The following GRM8 variants were observed in gnomAD, a reference collection of about 807,000 sequenced individuals.
GRM8 encodes the protein glutamate metabotropic receptor 8, also known as metabotropic glutamate receptor 8.
GRM8 carries 47 observed loss-of-function variants against 87.2 expected under a neutral mutation model. The observed-to-expected ratio is 0.54, with a 90% CI of 0.43 to 0.69. The LOEUF is 0.69. GRM8 is among the 30% of genes least tolerant of loss of function. The pLI is 0.00. For synonymous variants in GRM8, 396 were observed against 404.5 expected (o/e 0.98, Z 0.25); for missense variants, 1,019 against 1,139.2 (o/e 0.89, Z 1.52).
intron 7 of GRM8, among the ~76,000 whole-genome samples, chr7:126,730,194 C>A (rs916766310): frequency 1.3e-5 from 2 of 152,092 alleles, no homozygotes; most frequent in African/African-American, 2.4e-5. Flanking sequence ...ACACATAAAC[C>A]ATAAATTGTG....
intron 3 of GRM8, among the ~76,000 whole-genome samples, chr7:127,035,998 G>C (rs903488666): frequency 2.0e-5 from 3 of 152,058 alleles, no homozygotes; most frequent in African/African-American, 7.2e-5. Context: ...CCAACTACTG[G>C]CTTGCTCTAT....
chr7:127,245,676 A>C (rs1281319766), intron 1 of GRM8, among the ~76,000 whole-genome samples: 1 of 152,240 alleles, frequency 6.6e-6, no homozygotes, highest in Non-Finnish European at 1.5e-5. Flanking sequence ...TTGGGGAATG[A>C]ATAGCAGTGA....
rs922071734 is a variant in GRM8 at position 127,016,265 on chromosome 7, C to T, written c.727+90231G>A. Among the ~76,000 whole-genome samples the T allele has an allele frequency of 9.9e-5, 15 of 152,140 alleles. No homozygotes were observed. In the East Asian group the frequency reaches 1.9e-3, roughly 20 times the overall value. ...CCTTTTTGAGGCACTATTCCTCCCA[C>T]GGGAGTTAGACTGTAGCAGAAATCT... On this transcript the variant is annotated intron_variant, in intron 3 of 10. Transcript: ENST00000339582.
In GRM8 at chr7:126,969,823, A is replaced by T. The variant is rs181227557; in HGVS notation, c.728-65140T>A. Among the ~76,000 whole-genome samples the T allele has an allele frequency of 1.8e-3, 269 of 152,318 alleles. 1 individual carries two copies. Among genetic ancestry groups the T allele is most frequent in the African/African-American group, 6.2e-3 (257 of 41,582 alleles). On this transcript the variant is annotated intron_variant, in intron 3 of 10. Coordinates refer to ENST00000339582, the MANE Select transcript of GRM8 (RefSeq NM_000845.3). ...TATCTAGGAAACCTATAACCTTAAA[A>T]AAATGTATTTCCTAAATAATGAGAC...
At chr7:126,578,937 A>G (rs1323829190) in intron 8 of GRM8, among the ~76,000 whole-genome samples, 1 of 152,166 alleles carries the variant, frequency 6.6e-6, no homozygotes, top group Non-Finnish European at 1.5e-5. Context: ...TCATAACCCT[A>G]CAAGGAAATT....
At chr7:127,170,589 C>A (rs532200573) in intron 2 of GRM8, among the ~76,000 whole-genome samples, 2 of 152,094 alleles carry the variant, frequency 1.3e-5, no homozygotes, top group Non-Finnish European at 2.9e-5. Context: ...TGGAACCAGC[C>A]CAAATCCCCA....
intron 7 of GRM8, among the ~76,000 whole-genome samples, chr7:126,719,876 G>A (rs1282124743): frequency 6.8e-6 from 1 of 146,924 alleles, no homozygotes; most frequent in Non-Finnish European, 1.5e-5. Flanking sequence ...GAAATACAAG[G>A]TATTTACTGA....
chr7:126,600,341 T>C (rs1338509263), intron 8 of GRM8, among the ~76,000 whole-genome samples: 1 of 152,146 alleles, frequency 6.6e-6, no homozygotes, highest in Non-Finnish European at 1.5e-5. Flanking sequence ...TATTGGCAGA[T>C]GTGAAACCTG....
intron 2 of GRM8, among the ~76,000 whole-genome samples, chr7:127,115,341 TCA>T (rs1826639288): frequency 6.6e-6 from 1 of 152,202 alleles, no homozygotes; most frequent in Non-Finnish European, 1.5e-5. Context: ...GTGCAGATTT[TCA>T]GTTTTCTACA....
chr7:126,666,112 C>A (rs568021553), intron 7 of GRM8, among the ~76,000 whole-genome samples: 24 of 152,224 alleles, frequency 1.6e-4, no homozygotes, highest in African/African-American at 5.5e-4. Context: ...TAGTTAGAGT[C>A]AAGGACGGAA....
chr7:127,020,887 A>T (rs1816196762), intron 3 of GRM8, among the ~76,000 whole-genome samples: 1 of 152,068 alleles, frequency 6.6e-6, no homozygotes, highest in African/African-American at 2.4e-5. Context: ...TAGAGATAGG[A>T]AATTAAAGCT....
intron 9 of GRM8, among the ~76,000 whole-genome samples, chr7:126,524,368 C>T (rs549872628): frequency 8.2e-4 from 125 of 152,298 alleles, no homozygotes; most frequent in African/African-American, 2.9e-3. Flanking sequence ...ACGGTTCCTT[C>T]AAGAAAGACT....
At chr7:127,008,947 C>T (rs1367949354) in intron 3 of GRM8, among the ~76,000 whole-genome samples, 1 of 152,150 alleles carries the variant, frequency 6.6e-6, no homozygotes, top group Non-Finnish European at 1.5e-5. Context: ...TTACATAACA[C>T]ATGCCACCAT....
intron 9 of GRM8, among the ~76,000 whole-genome samples, chr7:126,471,488 A>G (rs1219322664): frequency 6.6e-6 from 1 of 151,944 alleles, no homozygotes; most frequent in African/African-American, 2.4e-5. Flanking sequence ...TTTGTCAAAG[A>G]TCAGATAGTT....
chr7:127,200,406 A>G (rs1257353642), intron 2 of GRM8, among the ~76,000 whole-genome samples: 5 of 152,244 alleles, frequency 3.3e-5, no homozygotes, highest in Non-Finnish European at 7.3e-5. Context: ...TGTCTAAGTT[A>G]AAGCAACATC....
At chr7:127,202,956 T>C (rs1795693410) in intron 2 of GRM8, among the ~76,000 whole-genome samples, 1 of 152,204 alleles carries the variant, frequency 6.6e-6, no homozygotes, top group Non-Finnish European at 1.5e-5. Flanking sequence ...AGCCAGAATG[T>C]TGGGGCCTAA....
intron 3 of GRM8, among the ~76,000 whole-genome samples, chr7:127,021,544 C>A (rs574038009): frequency 3.5e-4 from 53 of 152,116 alleles, no homozygotes; most frequent in Non-Finnish European, 7.1e-4. Flanking sequence ...AAAGGTGAGT[C>A]AATCCAGTTG....
At chr7:126,979,610 G>T (rs745698001) in intron 3 of GRM8, among the ~76,000 whole-genome samples, 1 of 152,150 alleles carries the variant, frequency 6.6e-6, no homozygotes, top group Non-Finnish European at 1.5e-5. Flanking sequence ...AGTTTTTCTA[G>T]TCATCTATGA....
chr7:126,591,189 T>C (rs1443990636), intron 8 of GRM8, among the ~76,000 whole-genome samples: 1 of 152,060 alleles, frequency 6.6e-6, no homozygotes, highest in African/African-American at 2.4e-5. Flanking sequence ...GAAAAAGACA[T>C]TCCATGTAAA....
Sources: gnomAD v4.1 joint callset for allele counts (sites outside exome capture counted in the v4.1 genomes callset) on GRCh38, gnomAD v4.1.1 for gene constraint, MANE v1.5 for transcripts, NCBI Gene and HGNC (gene_info 2026-07-23, HGNC 2026-07-21) for gene names.